The following CAMTA1 variants were observed in gnomAD, a reference collection of about 807,000 sequenced individuals.
CAMTA1 encodes the protein calmodulin binding transcription activator 1, also known as calmodulin-binding transcription activator 1.
Under a neutral mutation model 170.9 loss-of-function variants are expected in CAMTA1, and 27 were observed. The ratio of observed to expected loss-of-function variants is 0.16; its 90% confidence interval spans 0.12 to 0.22. The LOEUF (loss-of-function observed/expected upper bound fraction) is 0.22. CAMTA1 is among the 10% of genes least tolerant of loss of function. The pLI, the probability that CAMTA1 is intolerant of heterozygous loss-of-function variation, is 1.00. For synonymous variants in CAMTA1, 833 were observed against 891.5 expected, an observed-to-expected ratio of 0.93 and a Z score of 1.17; for missense variants, 1,619 against 2,217.2, an observed-to-expected ratio of 0.73 and a Z score of 5.42.
chr1:7,746,977 C>G (rs1185406211), intron 18 of CAMTA1, among the ~76,000 whole-genome samples: 1 of 152,176 alleles, frequency 6.6e-6, no homozygotes, highest in Non-Finnish European at 1.5e-5. Flanking sequence ...AGTACAATGT[C>G]TCTTTATTAT....
Position 7,737,983 on chromosome 1 carries a change from C to G in CAMTA1, c.3683C>G (p.Pro1228Arg). The G allele has an allele frequency of 2.5e-6, 4 of 1,611,740 alleles. No homozygotes were observed. The highest frequency in any genetic ancestry group is 3.4e-6 in the Non-Finnish European group (4 of 1,178,350). ...NPELRRPRSE[P>R]SNYYSSESHK... ...GAGCTGAGAAGACCTCGTTCTGAACCCTCTAATTACTACAGCAGTGAGAGC... is the reference window on the plus strand; with the variant it reads ...GAGCTGAGAAGACCTCGTTCTGAACGCTCTAATTACTACAGCAGTGAGAGC... The change falls in exon 16 of 23, where the codon CCC becomes CGC. Residue 1228 changes from proline (P) to arginine (R), a missense_variant. By Grantham distance (103) the Pro-to-Arg change is moderately radical. Coordinates refer to ENST00000303635, the MANE Select transcript of CAMTA1 (RefSeq NM_015215.4).
At chr1:7,103,864 C>T (rs575012189) in intron 4 of CAMTA1, among the ~76,000 whole-genome samples, 103 of 146,378 alleles carry the variant, frequency 7.0e-4, no homozygotes, top group East Asian at 5.1e-3. Flanking sequence ...CACACATACA[C>T]ACACACACAA....
intron 3 of CAMTA1, among the ~76,000 whole-genome samples, chr1:6,872,684 T>C (rs1374912938): frequency 6.6e-6 from 1 of 152,244 alleles, no homozygotes; most frequent in East Asian, 1.9e-4. Context: ...AAATTCTTAA[T>C]CTAAAGCAAA....
intron 6 of CAMTA1, among the ~76,000 whole-genome samples, chr1:7,476,509 T>C (rs11806825): frequency 0.1 from 15,923 of 152,094 alleles, 1,645 homozygotes; most frequent in African/African-American, 0.27. Context: ...CAGTGCTAAG[T>C]GCTCAGTGAG....
chr1:6,914,701 T>A (rs78579170), intron 3 of CAMTA1, among the ~76,000 whole-genome samples: 1 of 152,164 alleles, frequency 6.6e-6, no homozygotes, highest in Admixed American at 6.5e-5. Context: ...TTTCCCTCTT[T>A]AAGGCCAGGT....
At chr1:6,864,656 A>G (rs1258893084) in intron 3 of CAMTA1, among the ~76,000 whole-genome samples, 1 of 152,154 alleles carries the variant, frequency 6.6e-6, no homozygotes, top group Admixed American at 6.5e-5. Context: ...TCTGCTTAGA[A>G]TGATGGTCGC....
At chr1:6,898,598 GGCAGAT>G (rs1353277135) in intron 3 of CAMTA1, among the ~76,000 whole-genome samples, 3 of 152,304 alleles carry the variant, frequency 2.0e-5, no homozygotes, top group Admixed American at 2.0e-4. Context: ...TCTGTCTCCA[GGCAGAT>G]AAGTTATAGT....
intron 5 of CAMTA1, among the ~76,000 whole-genome samples, chr1:7,310,654 TC>T (rs1676423305): frequency 1.6e-5 from 1 of 62,410 alleles, no homozygotes; most frequent in Admixed American, 1.9e-4. Context: ...CTTTTTTCTT[TC>T]TTTCTTTCTT....
intron 6 of CAMTA1, among the ~76,000 whole-genome samples, chr1:7,500,093 G>A (rs1424847181): frequency 6.7e-6 from 1 of 148,656 alleles, no homozygotes; most frequent in Non-Finnish European, 1.5e-5. Flanking sequence ...GTGTGTCCAT[G>A]AGTGTGTAGA....
intron 7 of CAMTA1, among the ~76,000 whole-genome samples, chr1:7,643,763 C>T (rs2095784137): frequency 6.6e-6 from 1 of 152,244 alleles, no homozygotes. Flanking sequence ...GCACACAATT[C>T]CTTGGCTCGG....
intron 3 of CAMTA1, among the ~76,000 whole-genome samples, chr1:6,858,433 A>G (rs1571017321): frequency 1.0e-5 from 1 of 96,634 alleles, no homozygotes; most frequent in African/African-American, 4.3e-5. Flanking sequence ...TTATCCTTAA[A>G]GTGGTGTGTG....
intron 6 of CAMTA1, among the ~76,000 whole-genome samples, chr1:7,555,297 A>G (rs2094861051): frequency 1.3e-5 from 2 of 152,146 alleles, no homozygotes. Flanking sequence ...AAAGTGCTCA[A>G]GCTTATTTGG....
At chr1:7,186,506 T>C (rs975129712) in intron 4 of CAMTA1, among the ~76,000 whole-genome samples, 1 of 152,096 alleles carries the variant, frequency 6.6e-6, no homozygotes, top group African/African-American at 2.4e-5. Flanking sequence ...CCCTTTCTTA[T>C]TGGGGGATGA....
intron 6 of CAMTA1, among the ~76,000 whole-genome samples, chr1:7,559,564 C>T (rs1557915588): frequency 2.6e-5 from 4 of 152,312 alleles, no homozygotes; most frequent in Admixed American, 2.0e-4. Flanking sequence ...GAGCACAGCT[C>T]GGAGCCCTGC....
At chr1:7,686,844 A>G (rs144603867) in intron 11 of CAMTA1, among the ~76,000 whole-genome samples, 5 of 152,212 alleles carry the variant, frequency 3.3e-5, no homozygotes, top group Non-Finnish European at 5.9e-5. Flanking sequence ...GATGATTTGA[A>G]TATGAAGAAC....
At chr1:7,668,905 G>A (rs1381728508) in intron 9 of CAMTA1, among the ~76,000 whole-genome samples, 2 of 152,200 alleles carry the variant, frequency 1.3e-5, no homozygotes, top group African/African-American at 4.8e-5. Flanking sequence ...GATCCTGGGG[G>A]ATGGTGCCCT....
chr1:7,030,284 T>C (rs550044884), intron 3 of CAMTA1, among the ~76,000 whole-genome samples: 2 of 152,234 alleles, frequency 1.3e-5, no homozygotes, highest in African/African-American at 2.4e-5. Flanking sequence ...TATATTTTAA[T>C]GTGGATCTTG....
At chr1:7,391,006 GT>G (rs920740532) in intron 5 of CAMTA1, among the ~76,000 whole-genome samples, 187 of 146,914 alleles carry the variant, frequency 1.3e-3, no homozygotes, top group African/African-American at 3.9e-3. Context: ...CTGGGTTGTT[GT>G]TTTTTTTTTT....
At chr1:6,955,870 G>C (rs1462900384) in intron 3 of CAMTA1, among the ~76,000 whole-genome samples, 2 of 152,192 alleles carry the variant, frequency 1.3e-5, no homozygotes. Context: ...AAGGCTGTCA[G>C]AGGGATTTTC....
Sources: gnomAD v4.1 joint callset for allele counts (sites outside exome capture counted in the v4.1 genomes callset) on GRCh38, gnomAD v4.1.1 for gene constraint, MANE v1.5 for transcripts, NCBI Gene and HGNC (gene_info 2026-07-23, HGNC 2026-07-21) for gene names.